UVRAG: variants seen among roughly 807,000 people sequenced by gnomAD.
The protein encoded by UVRAG is UV radiation resistance associated, also known as UV radiation resistance-associated gene protein.
In UVRAG, 19 loss-of-function variants were observed where a neutral mutation model predicts 78.0. The ratio of observed to expected loss-of-function variants is 0.24; its 90% confidence interval spans 0.17 to 0.36. UVRAG has a LOEUF of 0.36. Among genes scored for constraint, UVRAG ranks in the 10% least tolerant of loss-of-function variants. The pLI is 1.00. For synonymous variants in UVRAG, 323 were observed against 324.6 expected (o/e 1.00, Z 0.05); for missense variants, 740 against 853.8 (o/e 0.87, Z 1.66).
At chr11:75,903,474 G>A (rs570695013) in intron 5 of UVRAG, among the ~76,000 whole-genome samples, 1 of 152,256 alleles carries the variant, frequency 6.6e-6, no homozygotes, top group African/African-American at 2.4e-5. Context: ...TAAACGAATT[G>A]GACTACTATT....
At chr11:75,908,949 TA>T (rs1374246082) in intron 5 of UVRAG, among the ~76,000 whole-genome samples, 1 of 152,178 alleles carries the variant, frequency 6.6e-6, no homozygotes, top group Non-Finnish European at 1.5e-5. Flanking sequence ...TGTATTCTTT[TA>T]TAAGCCTTCT....
intron 6 of UVRAG, chr11:75,942,026 A>C (rs1215738986): frequency 6.6e-6 from 1 of 152,174 alleles, no homozygotes; most frequent in Non-Finnish European, 1.5e-5. Flanking sequence ...TTAAAAATGT[A>C]AGGCATTTTA....
intron 4 of UVRAG, among the ~76,000 whole-genome samples, chr11:75,883,234 T>C (rs1946991150): frequency 6.6e-6 from 1 of 152,130 alleles, no homozygotes; most frequent in South Asian, 2.1e-4. Context: ...TCATCATGTT[T>C]TTCAAGTCAC....
intron 12 of UVRAG, among the ~76,000 whole-genome samples, chr11:76,032,124 G>A (rs1348468610): frequency 6.6e-6 from 1 of 152,064 alleles, no homozygotes; most frequent in East Asian, 1.9e-4. Flanking sequence ...ATGAATGGAA[G>A]GAAAGAGTAA....
chr11:75,954,104 A>G (rs1323303314), intron 6 of UVRAG, among the ~76,000 whole-genome samples: 2 of 152,110 alleles, frequency 1.3e-5, no homozygotes, highest in East Asian at 3.9e-4. Flanking sequence ...AAATACTTCA[A>G]ACTTTTATTC....
At chr11:75,927,100 C>T (rs185071833) in intron 6 of UVRAG, among the ~76,000 whole-genome samples, 14 of 146,738 alleles carry the variant, frequency 9.5e-5, no homozygotes, top group Non-Finnish European at 1.3e-4. Context: ...GATGAAGTCT[C>T]GCTCTGTTGC....
chr11:75,894,892 T>C (rs1947307902), intron 5 of UVRAG, among the ~76,000 whole-genome samples: 1 of 151,422 alleles, frequency 6.6e-6, no homozygotes, highest in African/African-American at 2.4e-5. Context: ...GAAAGCTTTG[T>C]CAACTTGGTA....
intron 13 of UVRAG, among the ~76,000 whole-genome samples, chr11:76,115,227 G>T (rs1312949576): frequency 6.6e-6 from 1 of 152,134 alleles, no homozygotes; most frequent in Non-Finnish European, 1.5e-5. Context: ...TAGAAAATTG[G>T]CCTCTACCAG....
At chr11:75,907,389 C>G (rs1947637907) in intron 5 of UVRAG, among the ~76,000 whole-genome samples, 1 of 146,470 alleles carries the variant, frequency 6.8e-6, no homozygotes, top group African/African-American at 2.7e-5. Context: ...CCTTTCTATT[C>G]CTAGTTTGTG....
At chr11:76,130,636 TTC>T (rs1422181503) in intron 14 of UVRAG, among the ~76,000 whole-genome samples, 5 of 152,236 alleles carry the variant, frequency 3.3e-5, no homozygotes, top group African/African-American at 1.2e-4. Flanking sequence ...CTATCCATTT[TTC>T]TTTTAAAGTA....
chr11:75,977,694 C>T (rs1455194544), intron 7 of UVRAG, among the ~76,000 whole-genome samples: 1 of 151,998 alleles, frequency 6.6e-6, no homozygotes, highest in East Asian at 1.9e-4. Context: ...GGATTGCAAC[C>T]CCTGCTTTTT....
rs1323087317 is a variant in UVRAG, at chr11:75,877,922, C to T, written c.271-1957C>T. Among the ~76,000 whole-genome samples, 88 of 149,994 alleles carry T rather than the reference C, an allele frequency of 5.9e-4. 1 individual carries two copies. Among genetic ancestry groups the T allele is most frequent in the Non-Finnish European group, 4.8e-4 (32 of 67,166 alleles). The stretch of plus-strand genomic sequence containing the variant: ...TGGCCTGGCGGGGGGCTGACCCCCC[C>T]ACCTCCCTCCTGGACGGGGCGGCTG... On this transcript the variant is annotated intron_variant, in intron 3 of 14. Transcript: ENST00000356136.
chr11:75,850,826 A>G (rs1946140021), intron 1 of UVRAG, among the ~76,000 whole-genome samples: 1 of 152,218 alleles, frequency 6.6e-6, no homozygotes, highest in Admixed American at 6.5e-5. Flanking sequence ...GGCTTTTCAT[A>G]CTTAGAGGAT....
intron 8 of UVRAG, among the ~76,000 whole-genome samples, chr11:76,003,257 A>ATTT (rs398045280): frequency 6.3e-4 from 34 of 53,790 alleles, no homozygotes; most frequent in East Asian, 6.2e-3. Flanking sequence ...GAAAATACTG[A>ATTT]TTTTTTTTTT....
At chr11:76,058,614 C>G (rs1026233722) in intron 12 of UVRAG, among the ~76,000 whole-genome samples, 2 of 151,376 alleles carry the variant, frequency 1.3e-5, no homozygotes, top group African/African-American at 4.9e-5. Flanking sequence ...TGTGATATAG[C>G]TGTCAAATAA....
In UVRAG at chr11:75,907,748, C is replaced by CT. The variant is rs1947648901; in HGVS notation, c.508-4205dup. Reference sequence around the variant, plus strand: ...CTCACTGTATTGTCCAGGCTGGTCTCTAACTCCTGGGCTCTAGTGATCCTC... The same window carrying CT: ...CTCACTGTATTGTCCAGGCTGGTCTCTTAACTCCTGGGCTCTAGTGATCCTC... On this transcript the variant is annotated intron_variant, in intron 5 of 14. Transcript: ENST00000356136. 4.6e-5 allele frequency among the ~76,000 whole-genome samples: 7 copies of CT among 151,504 alleles called. No individual in the cohort carries two copies. The South Asian group carries it at 1.5e-3, about 32-fold the overall frequency.
At chr11:76,063,034 G>A (rs574316272) in intron 12 of UVRAG, among the ~76,000 whole-genome samples, 20 of 152,198 alleles carry the variant, frequency 1.3e-4, no homozygotes, top group African/African-American at 4.6e-4. Context: ...GGTAGTCATC[G>A]CATAATTCTT....
At chr11:75,970,304 G>A (rs1037016716) in intron 7 of UVRAG, among the ~76,000 whole-genome samples, 10 of 152,192 alleles carry the variant, frequency 6.6e-5, no homozygotes, top group African/African-American at 1.7e-4. Flanking sequence ...CAAACAACAA[G>A]TTTAATTGTA....
intron 7 of UVRAG, among the ~76,000 whole-genome samples, chr11:75,974,523 C>A (rs375300233): frequency 6.6e-6 from 1 of 151,304 alleles, no homozygotes; most frequent in Non-Finnish European, 1.5e-5. Flanking sequence ...CCCGCCACCG[C>A]GCCCGGCTAA....
Sources: gnomAD v4.1 joint callset for allele counts (sites outside exome capture counted in the v4.1 genomes callset) on GRCh38, gnomAD v4.1.1 for gene constraint, MANE v1.5 for transcripts, NCBI Gene and HGNC (gene_info 2026-07-23, HGNC 2026-07-21) for gene names.